Variants in MGAT4C observed in about 807,000 individuals in gnomAD.
MGAT4C encodes the protein alpha-1,3-mannosyl-glycoprotein 4-beta-N-acetylglucosaminyltransferase C.
A neutral mutation model predicts 40.1 loss-of-function variants in MGAT4C; 19 were observed. The observed-to-expected ratio is 0.47, with a 90% CI of 0.33 to 0.70. The LOEUF is 0.70. Ranked by LOEUF, MGAT4C falls within the 30% of genes least tolerant of loss-of-function variation. The probability of loss-of-function intolerance (pLI) is 0.02; values close to 1 mark genes in which losing one functional copy is unlikely to be tolerated. For missense variants in MGAT4C, 491 were observed against 563.2 expected (o/e 0.87, Z 1.30); for synonymous variants, 181 against 187.1 (o/e 0.97, Z 0.27).
chr12:86,765,112 C>A (rs1015817599), intron 1 of MGAT4C, among the ~76,000 whole-genome samples: 4 of 151,976 alleles, frequency 2.6e-5, no homozygotes, highest in Admixed American at 2.6e-4. Flanking sequence ...AAGTTAAAAA[C>A]TTTAAAAAAA....
chr12:86,273,924 A>G (rs1347575638), intron 4 of MGAT4C, among the ~76,000 whole-genome samples: 1 of 152,116 alleles, frequency 6.6e-6, no homozygotes, highest in Non-Finnish European at 1.5e-5. Context: ...GCATTGCTAT[A>G]AAAAAATACC....
chr12:86,708,047 A>AT lies in MGAT4C; in HGVS notation c.-229+19161dup, dbSNP rs529611710. The stretch of plus-strand genomic sequence containing the variant: ...GAGCTGAATGCTAATCCCCAAGACC[A>AT]TGGGAGAAATATCTCCAGGACATCT... On this transcript the variant is annotated intron_variant, in intron 2 of 7. Transcript: ENST00000548651. Among the ~76,000 whole-genome samples, 499 of 152,334 alleles carry AT rather than the reference A, an allele frequency of 3.3e-3. 3 individuals carry two copies. The highest frequency in any genetic ancestry group is 0.011 in the African/African-American group (477 of 41,590).
intron 1 of MGAT4C, among the ~76,000 whole-genome samples, chr12:86,213,932 T>C (rs895856262): frequency 1.3e-5 from 2 of 152,252 alleles, no homozygotes; most frequent in African/African-American, 2.4e-5. Flanking sequence ...GCATCTATTG[T>C]ATGCCCATAA....
chr12:85,994,986 T>A (rs576232408), intron 2 of MGAT4C, among the ~76,000 whole-genome samples: 1 of 152,240 alleles, frequency 6.6e-6, no homozygotes, highest in African/African-American at 2.4e-5. Flanking sequence ...CATTTGCTAC[T>A]ACTGAAGGTG....
chr12:86,401,662 TCTTCA>T (rs1956365521), intron 3 of MGAT4C, among the ~76,000 whole-genome samples: 1 of 152,124 alleles, frequency 6.6e-6, no homozygotes, highest in Admixed American at 6.5e-5. Flanking sequence ...TAGAAAGAAG[TCTTCA>T]CTTCACGTCT....
Position 86,735,057 on chromosome 12 carries a change from T to C in MGAT4C, c.-261-7816A>G, listed in dbSNP as rs138632528. On this transcript the variant is annotated intron_variant, in intron 1 of 7. Transcript: ENST00000548651. ...GTTTTGTGGAAAGCCCACTTGAGTT[T>C]GGTTCTCTACATAAACTGTAGAGAA... is the stretch of plus-strand genomic sequence containing the variant. Among the ~76,000 whole-genome samples the C allele has an allele frequency of 3.1e-3, 471 of 152,124 alleles. 1 individual carries two copies. Among genetic ancestry groups the C allele is most frequent in the African/African-American group, 0.011 (464 of 41,534 alleles).
At chr12:86,354,536 T>A (rs1415342684) in intron 3 of MGAT4C, among the ~76,000 whole-genome samples, 1 of 151,838 alleles carries the variant, frequency 6.6e-6, no homozygotes, top group Admixed American at 6.6e-5. Flanking sequence ...CAAAAAGAAA[T>A]AGAAGTTATA....
At chr12:86,733,574 C>T (rs537521405) in intron 1 of MGAT4C, among the ~76,000 whole-genome samples, 118 of 152,158 alleles carry the variant, frequency 7.8e-4, no homozygotes, top group African/African-American at 2.6e-3. Context: ...ATACAGAAAC[C>T]TCAACAGATG....
chr12:86,179,088 G>T (rs1465488829), intron 1 of MGAT4C, among the ~76,000 whole-genome samples: 1 of 152,134 alleles, frequency 6.6e-6, no homozygotes, highest in Non-Finnish European at 1.5e-5. Flanking sequence ...GTTGTGGGAG[G>T]GACCTAGGAG....
At chr12:86,832,350 G>A (rs4842828) in intron 1 of MGAT4C, among the ~76,000 whole-genome samples, 96,735 of 151,548 alleles carry the variant, frequency 0.64, 32,138 homozygotes, top group Admixed American at 0.72. Context: ...GCAAAATTAA[G>A]CACAAAATTT....
chr12:86,136,244 C>T (rs1452507764), intron 1 of MGAT4C, among the ~76,000 whole-genome samples: 2 of 151,992 alleles, frequency 1.3e-5, no homozygotes, highest in African/African-American at 4.8e-5. Context: ...AACAGGGGCT[C>T]TATTTGGTGG....
chr12:86,633,907 G>A (rs1042284753), intron 2 of MGAT4C, among the ~76,000 whole-genome samples: 15 of 151,792 alleles, frequency 9.9e-5, no homozygotes, highest in Admixed American at 3.3e-4. Context: ...ACTTTATTTT[G>A]CTCGAGTTTT....
intron 4 of MGAT4C, among the ~76,000 whole-genome samples, chr12:86,264,042 G>A (rs569398754): frequency 3.9e-5 from 6 of 152,004 alleles, no homozygotes; most frequent in African/African-American, 1.5e-4. Flanking sequence ...GGGGGTTGTT[G>A]TTGGTGGGTT....
chr12:86,082,559 G>C (rs1317213962), intron 1 of MGAT4C, among the ~76,000 whole-genome samples: 3 of 151,942 alleles, frequency 2.0e-5, no homozygotes, highest in Non-Finnish European at 4.4e-5. Flanking sequence ...CCATCTTCAG[G>C]GAAAAGAGAA....
intron 3 of MGAT4C, among the ~76,000 whole-genome samples, chr12:86,400,111 C>A (rs1176596035): frequency 6.6e-6 from 1 of 152,172 alleles, no homozygotes; most frequent in African/African-American, 2.4e-5. Flanking sequence ...GGACACCCAG[C>A]TGGTATCTGC....
chr12:86,763,056 C>T (rs1179107865), intron 1 of MGAT4C, among the ~76,000 whole-genome samples: 8 of 152,114 alleles, frequency 5.3e-5, no homozygotes, highest in Admixed American at 2.0e-4. Context: ...ACACAATAAG[C>T]ATATCTTAGG....
chr12:86,341,686 G>A (rs1954908330), intron 3 of MGAT4C, among the ~76,000 whole-genome samples: 1 of 152,156 alleles, frequency 6.6e-6, no homozygotes, highest in Non-Finnish European at 1.5e-5. Context: ...TCAGGCTTTG[G>A]AGAGCCTGAG....
chr12:86,705,837 A>T (rs1471679140), intron 2 of MGAT4C, among the ~76,000 whole-genome samples: 1 of 152,198 alleles, frequency 6.6e-6, no homozygotes, highest in Non-Finnish European at 1.5e-5. Flanking sequence ...GTCATGGGAC[A>T]GTAGTTCCAC....
chr12:86,014,981 T>TC (rs1192170963), intron 2 of MGAT4C, among the ~76,000 whole-genome samples: 1 of 148,048 alleles, frequency 6.8e-6, no homozygotes, highest in African/African-American at 2.5e-5. Context: ...TTTCTTTCTT[T>TC]TTTTTTTTTT....
Sources: gnomAD v4.1 joint callset for allele counts (sites outside exome capture counted in the v4.1 genomes callset) on GRCh38, gnomAD v4.1.1 for gene constraint, MANE v1.5 for transcripts, NCBI Gene and HGNC (gene_info 2026-07-23, HGNC 2026-07-21) for gene names.